The following NF1 variants were observed in gnomAD, a reference collection of about 807,000 sequenced individuals.
The protein encoded by NF1 is neurofibromin 1, also known as neurofibromin.
In NF1, 122 loss-of-function variants were observed where a neutral mutation model predicts 325.7. That is an observed-to-expected ratio of 0.37 (90% CI 0.32 to 0.44). The LOEUF (loss-of-function observed/expected upper bound fraction) is 0.44. Among genes scored for constraint, NF1 ranks in the 20% least tolerant of loss-of-function variants. The pLI, the probability that NF1 is intolerant of heterozygous loss-of-function variation, is 1.00. For missense variants in NF1, 2,140 were observed against 3,415.4 expected, an observed-to-expected ratio of 0.63 and a Z score of 9.31; for synonymous variants, 1,091 against 1,186.0, an observed-to-expected ratio of 0.92 and a Z score of 1.65.
intron 36 of NF1, chr17:31,320,818 G>T: frequency 5.7e-6 from 1 of 175,940 alleles, no homozygotes. Flanking sequence ...GGATTAGCAA[G>T]TAATTTCCAT....
At position 31,258,491 on chromosome 17, in the gene NF1, T is replaced by C. The variant is rs786201458; in HGVS notation, c.4321T>C (p.Leu1441=). The part of the protein sequence containing the change: ...PPPRIERGLK[L]MSKILQSIAN... ...ACCTAGAATCGAAAGGGGCTTGAAG[T>C]TAATGTCAAAGGTGAATTATTTTGA... Residue 1441 remains leucine, a synonymous_variant, in exon 32 of 58, where the codon TTA becomes CTA. Coordinates refer to ENST00000358273, the MANE Select transcript of NF1 (RefSeq NM_001042492.3). The C allele has an allele frequency of 1.2e-6, 2 of 1,613,796 alleles. No individual in the cohort carries two copies. The highest frequency in any genetic ancestry group is 2.7e-5 in the African/African-American group (2 of 75,030).
chr17:31,133,274 GTGTAATGTCTTCAAGGTTAA>G (rs1915524282), intron 1 of NF1: 1 of 152,200 alleles, frequency 6.6e-6, no homozygotes, highest in Admixed American at 6.5e-5. Flanking sequence ...GTTTCCGTTA[GTGTAATGTCTTCAAGGTTAA>G]TCCACATTGC....
intron 34 of NF1, 44 bp downstream of exon 34, chr17:31,260,559 A>C: frequency 6.2e-7 from 1 of 1,601,068 alleles, no homozygotes; most frequent in Admixed American, 1.7e-5. Context: ...TCTCCGTTTA[A>C]ATTTAGATTA....
intron 57 of NF1, 103 bp downstream of exon 57, chr17:31,360,806 T>TA: frequency 1.0e-6 from 1 of 974,902 alleles, no homozygotes; most frequent in Non-Finnish European, 1.7e-6. Flanking sequence ...TCCTTTTTCT[T>TA]ATGAGATTCA....
chr17:31,278,532 A>G (rs1277034776), intron 36 of NF1, among the ~76,000 whole-genome samples: 1 of 55,454 alleles, frequency 1.8e-5, no homozygotes, highest in Admixed American at 2.6e-4. Flanking sequence ...TTTTTTTTTT[A>G]GAAAATCCTA....
rs142983361 is a variant in NF1 at position 31,210,141 on chromosome 17, C to G, written c.1392+3770C>G. On this transcript the variant is annotated intron_variant, in intron 12 of 57. Coordinates refer to ENST00000358273, the MANE Select transcript of NF1 (RefSeq NM_001042492.3). ...TTCTTTAGTTGTCCTTCTTCACTAG[C>G]AAGTTAGCTTGATGAAAGCAGTAGC... Among the ~76,000 whole-genome samples the G allele has an allele frequency of 4.6e-3, 695 of 152,328 alleles. 6 individuals are homozygous for G. Among genetic ancestry groups the G allele is most frequent in the African/African-American group, 0.016 (665 of 41,570 alleles).
At chr17:31,228,593 C>T (rs1402888003) in intron 20 of NF1, among the ~76,000 whole-genome samples, 1 of 152,138 alleles carries the variant, frequency 6.6e-6, no homozygotes, top group Non-Finnish European at 1.5e-5. Context: ...CTTTAGCTAT[C>T]TCTGCCTCTA....
chr17:31,225,240 A>G lies in NF1; in HGVS notation c.1991A>G (p.Asn664Ser), dbSNP rs756145065. ...GCCTCTCTCCGGAAGGGAAAAGGGAACTCCTCTATGGTCAGCTTCTTCTGT... is the reference window on the plus strand; with the variant it reads ...GCCTCTCTCCGGAAGGGAAAAGGGAGCTCCTCTATGGTCAGCTTCTTCTGT... ...PGASLRKGKG[N>S]SSMDSAAGCS... Residue 664 changes from asparagine to serine, a missense_variant, in exon 17 of 58, where the codon AAC becomes AGC. By Grantham distance (46) the Asn-to-Ser change is conservative. Transcript: ENST00000358273. 6.8e-6 allele frequency: 11 copies of G among 1,613,292 alleles called. No homozygotes were observed. Among genetic ancestry groups the G allele is most frequent in the Non-Finnish European group, 3.4e-6 (4 of 1,179,540 alleles).
At chr17:31,166,779 AG>A (rs1195867137) in intron 4 of NF1, among the ~76,000 whole-genome samples, 1 of 152,018 alleles carries the variant, frequency 6.6e-6, no homozygotes, top group Non-Finnish European at 1.5e-5. Flanking sequence ...CTGAATTATT[AG>A]GGTACAAGGC....
chr17:31,296,562 C>G, intron 36 of NF1: 1 of 531,274 alleles, frequency 1.9e-6, no homozygotes, highest in Non-Finnish European at 3.4e-6. Context: ...CCTACTCTCT[C>G]CTGCATTTTC....
At chr17:31,163,039 T>A (rs751482887) in intron 3 of NF1, 147 bp from the exon 4 acceptor site, 45 of 704,190 alleles carry the variant, frequency 6.4e-5, no homozygotes, top group Admixed American at 1.2e-4. Flanking sequence ...GCAAATATGA[T>A]GAAACGTTAA....
chr17:31,185,056 C>G (rs2066214091), intron 8 of NF1, among the ~76,000 whole-genome samples: 1 of 152,184 alleles, frequency 6.6e-6, no homozygotes, highest in African/African-American at 2.4e-5. Flanking sequence ...CATCCCCTCC[C>G]TGAGCCATGC....
Position 31,158,170 on chromosome 17 carries a change from A to G in NF1, c.205-840A>G, listed in dbSNP as rs531561005. Among the ~76,000 whole-genome samples, 7 of 152,248 alleles carry G rather than the reference A, an allele frequency of 4.6e-5. No individual in the cohort carries two copies. In the East Asian group the frequency reaches 1.4e-3, roughly 29 times the overall value. The stretch of plus-strand genomic sequence containing the variant: ...TTAGCTTCCACATATGAGTGAGAGC[A>G]TGTGGTGTTTAACTTTTTGTTCGCA... On this transcript the variant is annotated intron_variant, in intron 2 of 57. Transcript: ENST00000358273.
rs1051607259 is a variant in NF1, at chr17:31,340,847, C to CAA, written c.7062+214_7062+215dup. Among the ~76,000 whole-genome samples, 453 of 62,550 alleles carry CAA rather than the reference C, an allele frequency of 7.2e-3. 5 individuals are homozygous for CAA. The highest frequency in any genetic ancestry group is 0.02 in the African/African-American group (390 of 19,534). 41.0% of individuals were successfully genotyped at this position (62,550 alleles called of 152,430 possible). A position where few individuals can be genotyped will look rare whatever the true frequency, so the allele number is the denominator to read the frequency against. On this transcript the variant is annotated intron_variant, in intron 47 of 57. Transcript: ENST00000358273. ...ATGCATATTTTTTACATAAAAATAG[C>CAA]AAAAAAAAAAAAACAAAAAAAAAAC...
At chr17:31,104,537 T>A (rs1328216027) in intron 1 of NF1, among the ~76,000 whole-genome samples, 1 of 152,216 alleles carries the variant, frequency 6.6e-6, no homozygotes, top group East Asian at 1.9e-4. Context: ...TTGACTTGTA[T>A]TTATAAAAGC....
chr17:31,264,069 A>C (rs2067742129), intron 35 of NF1, among the ~76,000 whole-genome samples: 1 of 152,182 alleles, frequency 6.6e-6, no homozygotes, highest in Non-Finnish European at 1.5e-5. Flanking sequence ...CATAAGGCTC[A>C]TAGAAATACT....
chr17:31,336,316 T>C lies in NF1; in HGVS notation c.6007-17T>C. 6.2e-7 allele frequency: 1 copy of C among 1,613,302 alleles called. No homozygotes were observed. The highest frequency in any genetic ancestry group is 2.2e-5 in the East Asian group (1 of 44,850). On this transcript the variant is annotated splice_polypyrimidine_tract_variant and intron_variant, in intron 40 of 57. Transcript: ENST00000358273. The surrounding 1 kb of genome is among the most constrained non-coding windows in gnomAD (Gnocchi z 5.5). ...GGTAGAGTGATTAAAAACATGTTAT[T>C]TTCCTTCTTCAACTAGATTACAGAT...
intron 36 of NF1, chr17:31,295,799 G>A (rs1304540370): frequency 5.6e-6 from 9 of 1,614,140 alleles, no homozygotes; most frequent in Non-Finnish European, 7.6e-6. Context: ...TTGTGTCAAA[G>A]AATTATTAGA....
At chr17:31,145,057 T>C (rs1322817404) in intron 1 of NF1, among the ~76,000 whole-genome samples, 1 of 152,248 alleles carries the variant, frequency 6.6e-6, no homozygotes, top group Non-Finnish European at 1.5e-5. Context: ...GATTTTCCTC[T>C]TCGTTCCCTT....
Sources: allele counts gnomAD v4.1 joint callset (sites outside exome capture counted in the v4.1 genomes callset), GRCh38; gene constraint gnomAD v4.1.1; non-coding constraint Gnocchi (gnomAD v3.1); transcripts MANE v1.5; gene names NCBI Gene and HGNC (gene_info 2026-07-23, HGNC 2026-07-21).